The following RALGAPA2 variants were observed in gnomAD, a reference collection of about 807,000 sequenced individuals.
The protein encoded by RALGAPA2 is Ral GTPase activating protein catalytic subunit alpha 2.
RALGAPA2 carries 139 observed loss-of-function variants against 230.4 expected under a neutral mutation model. The ratio of observed to expected loss-of-function variants is 0.60; its 90% CI spans 0.53 to 0.69. The LOEUF is 0.69. Ranked by LOEUF, RALGAPA2 falls within the 30% of genes least tolerant of loss-of-function variation. The pLI is 0.00. For synonymous variants in RALGAPA2, 847 were observed against 837.8 expected (o/e 1.01, Z -0.19); for missense variants, 2,163 against 2,276.0 (o/e 0.95, Z 1.01).
chr20:20,596,967 C>G (rs1364851332), intron 16 of RALGAPA2, among the ~76,000 whole-genome samples: 1 of 152,192 alleles, frequency 6.6e-6, no homozygotes, highest in Non-Finnish European at 1.5e-5. Context: ...TTGAGAATCA[C>G]TGCTCTAAAT....
chr20:20,642,535 T>G (rs1232792473), intron 5 of RALGAPA2, among the ~76,000 whole-genome samples: 1 of 152,184 alleles, frequency 6.6e-6, no homozygotes, highest in Non-Finnish European at 1.5e-5. Flanking sequence ...CTAATCAAAT[T>G]ATATTTAATT....
At chr20:20,484,741 T>C (rs1426325477) in intron 36 of RALGAPA2, among the ~76,000 whole-genome samples, 1 of 152,182 alleles carries the variant, frequency 6.6e-6, no homozygotes. Flanking sequence ...AAAAGAATCA[T>C]AGACAAGGGG....
rs771874377 is a variant in RALGAPA2 at position 20,591,160 on chromosome 20, C to T, written c.2341+17G>A. Reference sequence around the variant, plus strand: ...AGAATCTATAGTTCTGTATTAAACACTGAAGACATCATGTACCCTGAGAAG... The same window carrying T: ...AGAATCTATAGTTCTGTATTAAACATTGAAGACATCATGTACCCTGAGAAG... On this transcript the variant is annotated intron_variant, in intron 17 of 39. Transcript: ENST00000202677. 2 of 1,612,270 alleles carry T rather than the reference C, an allele frequency of 1.2e-6. No individual in the cohort carries two copies. Among genetic ancestry groups the T allele is most frequent in the East Asian group, 2.2e-5 (1 of 44,856 alleles).
At chr20:20,459,534 G>A (rs1368608947) in intron 37 of RALGAPA2, among the ~76,000 whole-genome samples, 2 of 151,540 alleles carry the variant, frequency 1.3e-5, no homozygotes, top group Non-Finnish European at 2.9e-5. Context: ...ACTAAAGTGA[G>A]GACTGCGACA....
chr20:20,403,907 A>G (rs1249914140), intron 38 of RALGAPA2, among the ~76,000 whole-genome samples: 1 of 152,112 alleles, frequency 6.6e-6, no homozygotes, highest in African/African-American at 2.4e-5. Flanking sequence ...CCATATCCTC[A>G]GGCAATCTCA....
At chr20:20,640,936 C>A in intron 5 of RALGAPA2, 58 bp from the exon 6 acceptor site, 1 of 1,426,010 alleles carries the variant, frequency 7.0e-7, no homozygotes, top group Non-Finnish European at 9.7e-7. Flanking sequence ...AAATGCATTA[C>A]AATGTAGCAT....
chr20:20,619,805 A>T lies in RALGAPA2; in HGVS notation c.1402-391T>A, dbSNP rs941499046. Reference sequence around the variant, plus strand: ...TGGAACACAGATATTTTAAAGTGACATGCCTCTAGTGAGAAATTTAAAACA... The same window carrying T: ...TGGAACACAGATATTTTAAAGTGACTTGCCTCTAGTGAGAAATTTAAAACA... On this transcript the variant is annotated intron_variant, in intron 11 of 39. Transcript: ENST00000202677. Among the ~76,000 whole-genome samples, 3 of 152,264 alleles carry T rather than the reference A, an allele frequency of 2.0e-5. No homozygotes were observed. In the East Asian group the frequency reaches 5.8e-4, roughly 29 times the overall value.
chr20:20,492,585 T>C (rs1382020836), intron 36 of RALGAPA2, among the ~76,000 whole-genome samples: 1 of 152,148 alleles, frequency 6.6e-6, no homozygotes, highest in Non-Finnish European at 1.5e-5. Context: ...TGAGAATTAA[T>C]CTCTGCTGAC....
chr20:20,634,277 C>T (rs1290034237), intron 9 of RALGAPA2, among the ~76,000 whole-genome samples: 3 of 151,898 alleles, frequency 2.0e-5, no homozygotes, highest in African/African-American at 4.8e-5. Flanking sequence ...TTTCTGATTT[C>T]GAACTCTAAG....
intron 20 of RALGAPA2, among the ~76,000 whole-genome samples, chr20:20,579,580 A>G (rs1347413433): frequency 6.6e-6 from 1 of 152,172 alleles, no homozygotes; most frequent in Non-Finnish European, 1.5e-5. Flanking sequence ...CTGGTAATGC[A>G]GTTTTCATTT....
chr20:20,399,651 G>C (rs1203009484), intron 38 of RALGAPA2, among the ~76,000 whole-genome samples: 1 of 152,230 alleles, frequency 6.6e-6, no homozygotes, highest in Non-Finnish European at 1.5e-5. Context: ...TATCAACAGG[G>C]ATTTAAAGCA....
At chr20:20,466,675 T>G (rs909098434) in intron 37 of RALGAPA2, among the ~76,000 whole-genome samples, 2 of 152,210 alleles carry the variant, frequency 1.3e-5, no homozygotes, top group African/African-American at 2.4e-5. Context: ...CTGGACCTCA[T>G]GTTTCCTATG....
chr20:20,505,059 T>C (rs1179589954), intron 34 of RALGAPA2: 4 of 985,292 alleles, frequency 4.1e-6, no homozygotes, highest in African/African-American at 1.7e-5. Flanking sequence ...CATCAAGTCA[T>C]TGACTTCTTC....
Position 20,521,048 on chromosome 20 carries a change from T to C in RALGAPA2, c.3953A>G (p.Tyr1318Cys), listed in dbSNP as rs545223360. The change falls in exon 31 of 40, where the codon TAC becomes TGC. Residue 1318 changes from tyrosine to cysteine, a missense_variant. Physicochemically the swap from Tyr to Cys is radical, Grantham distance 194 (BLOSUM62 -2). Transcript: ENST00000202677. ...GSSTYTQQSHYILTLADLSST... is the reference protein window; with the variant it reads ...GSSTYTQQSHCILTLADLSST... The stretch of plus-strand genomic sequence containing the variant: ...TGACAAGTCAGCCAGGGTCAGTATG[T>C]AGTGACTCTGTTGGGTGTACGTGCT... The C allele has an allele frequency of 1.9e-6, 3 of 1,613,766 alleles. No homozygotes were observed. Among genetic ancestry groups the C allele is most frequent in the African/African-American group, 2.7e-5 (2 of 74,894 alleles).
Position 20,532,953 on chromosome 20 carries a change from A to G in RALGAPA2, c.3474-1158T>C, listed in dbSNP as rs1165479430. On this transcript the variant is annotated intron_variant, in intron 26 of 39. Transcript: ENST00000202677. ...GCTTGGTAAGTATGCATGTTCAAAT[A>G]CCTAGTAGAACCTCTAAAAGAAGGA... is the stretch of plus-strand genomic sequence containing the variant. 2.6e-5 allele frequency among the ~76,000 whole-genome samples: 4 copies of G among 152,144 alleles called. No individual in the cohort carries two copies. In the East Asian group the frequency reaches 7.7e-4, roughly 29 times the overall value.
intron 20 of RALGAPA2, among the ~76,000 whole-genome samples, chr20:20,578,686 G>GA (rs2064895193): frequency 6.6e-6 from 1 of 152,024 alleles, no homozygotes; most frequent in Non-Finnish European, 1.5e-5. Context: ...CTCGGTCTCT[G>GA]AAAAAAATTT....
At chr20:20,585,374 A>C (rs145146024) in intron 18 of RALGAPA2, among the ~76,000 whole-genome samples, 7 of 152,316 alleles carry the variant, frequency 4.6e-5, no homozygotes, top group African/African-American at 1.7e-4. Flanking sequence ...CTAAAGGTCC[A>C]TTCAGTGTCT....
intron 37 of RALGAPA2, among the ~76,000 whole-genome samples, chr20:20,455,685 C>A (rs138242604): frequency 1.5e-3 from 235 of 152,268 alleles, no homozygotes; most frequent in African/African-American, 5.4e-3. Flanking sequence ...CAGGCCGGCT[C>A]TTACTATAAA....
chr20:20,571,602 C>T lies in RALGAPA2; in HGVS notation c.3012G>A (p.Leu1004=). Residue 1004 remains leucine, a synonymous_variant, in exon 23 of 40, where the codon CTG becomes CTA. Coordinates refer to ENST00000202677, the MANE Select transcript of RALGAPA2 (RefSeq NM_020343.4). ...GTTTGCCTTCCTTATATTCATTTGG[C>T]AGTGTCGCCGCCTGTCAAGGAGATG... ...FASWLFKAAT[L]PNEYKEGKLQ... The T allele has an allele frequency of 6.2e-7, 1 of 1,609,944 alleles. No individual in the cohort carries two copies. The highest frequency in any genetic ancestry group is 1.3e-5 in the African/African-American group (1 of 74,996).
Sources: gnomAD v4.1 joint callset for allele counts (sites outside exome capture counted in the v4.1 genomes callset) on GRCh38, gnomAD v4.1.1 for gene constraint, MANE v1.5 for transcripts, NCBI Gene and HGNC (gene_info 2026-07-23, HGNC 2026-07-21) for gene names.